The following DPP10 variants were observed in gnomAD, a reference collection of about 807,000 sequenced individuals.
The protein encoded by DPP10 is dipeptidyl peptidase like 10, also known as inactive dipeptidyl peptidase 10.
In DPP10, 33 loss-of-function variants were observed where a neutral mutation model predicts 120.9. The observed-to-expected ratio is 0.27, with a 90% CI of 0.21 to 0.37. The LOEUF is 0.37. Among genes scored for constraint, DPP10 ranks in the 10% least tolerant of loss-of-function variants. The pLI is 1.00. For missense variants in DPP10, 816 were observed against 942.8 expected, an observed-to-expected ratio of 0.87 and a Z score of 1.76; for synonymous variants, 337 against 326.1, an observed-to-expected ratio of 1.03 and a Z score of -0.36.
chr2:115,112,773 T>C (rs1011708116), intron 1 of DPP10, among the ~76,000 whole-genome samples: 9 of 152,134 alleles, frequency 5.9e-5, no homozygotes, highest in Admixed American at 5.9e-4. Context: ...GTTCAAGAGA[T>C]CTACTGTACA....
chr2:115,443,196 C>T (rs2072240003), intron 3 of DPP10, among the ~76,000 whole-genome samples: 1 of 152,106 alleles, frequency 6.6e-6, no homozygotes. Flanking sequence ...AGCATGAATT[C>T]TTAAAAGCTT....
At chr2:115,525,295 C>T (rs907419127) in intron 4 of DPP10, among the ~76,000 whole-genome samples, 21 of 152,010 alleles carry the variant, frequency 1.4e-4, no homozygotes, top group African/African-American at 4.6e-4. Flanking sequence ...AGTTTAAATT[C>T]CTTCTGTCCT....
At chr2:114,464,525 A>AATATTTTCTCCTAGTCTGTGGCTT (rs1679190436) in intron 1 of DPP10, among the ~76,000 whole-genome samples, 1 of 152,212 alleles carries the variant, frequency 6.6e-6, no homozygotes, top group Non-Finnish European at 1.5e-5. Flanking sequence ...GGTTGTTGAA[A>AATATTTTCTCCTAGTCTGTGGCTT]ATATTTTCTC....
At chr2:115,702,252 G>A (rs1472326052) in intron 7 of DPP10, among the ~76,000 whole-genome samples, 3 of 151,922 alleles carry the variant, frequency 2.0e-5, no homozygotes. Flanking sequence ...GTGCTGGTGG[G>A]CATTTAAAAT....
chr2:115,669,124 CTGTTAT>C (rs1444524317), intron 5 of DPP10, among the ~76,000 whole-genome samples: 1 of 152,006 alleles, frequency 6.6e-6, no homozygotes, highest in Non-Finnish European at 1.5e-5. Context: ...GTTATTGTTA[CTGTTAT>C]TGAGTAGGAC....
At chr2:114,470,313 A>AT (rs1207975642) in intron 1 of DPP10, among the ~76,000 whole-genome samples, 8 of 152,150 alleles carry the variant, frequency 5.3e-5, no homozygotes, top group African/African-American at 1.9e-4. Context: ...CACTATGACA[A>AT]TTTTCAGTGA....
At chr2:114,546,883 C>A (rs189776855) in intron 1 of DPP10, among the ~76,000 whole-genome samples, 13 of 152,280 alleles carry the variant, frequency 8.5e-5, no homozygotes, top group African/African-American at 3.1e-4. Flanking sequence ...GGGCCATAGG[C>A]CTGGGAAATT....
chr2:114,475,730 C>T (rs1236636116), intron 1 of DPP10, among the ~76,000 whole-genome samples: 1 of 152,112 alleles, frequency 6.6e-6, no homozygotes, highest in Admixed American at 6.5e-5. Context: ...TCTGAAAATG[C>T]AAGGTATCAC....
intron 1 of DPP10, among the ~76,000 whole-genome samples, chr2:114,871,920 T>A (rs1690719340): frequency 6.6e-6 from 1 of 152,184 alleles, no homozygotes. Context: ...TGGACCCTAT[T>A]ATGAACTGTG....
rs868858234 is a variant in DPP10, at chr2:114,714,113, G to A, written c.60+271275G>A. On this transcript the variant is annotated intron_variant, in intron 1 of 25. Coordinates refer to ENST00000410059, the MANE Select transcript of DPP10 (RefSeq NM_020868.6). ...TGTGTGTGTGTGTGTGTGTTTGCGC[G>A]TGCGTGCGCTCATGAGTGTGTCTGT... 4.0e-5 allele frequency among the ~76,000 whole-genome samples: 6 copies of A among 151,670 alleles called. No homozygotes were observed. The South Asian group carries it at 6.2e-4, about 16-fold the overall frequency.
At chr2:114,680,552 C>T (rs969483117) in intron 1 of DPP10, among the ~76,000 whole-genome samples, 2 of 151,928 alleles carry the variant, frequency 1.3e-5, no homozygotes, top group African/African-American at 4.8e-5. Context: ...TCTCTTCACT[C>T]TGTACAATGT....
intron 7 of DPP10, among the ~76,000 whole-genome samples, chr2:115,692,097 C>T (rs1369216616): frequency 6.6e-6 from 1 of 151,736 alleles, no homozygotes; most frequent in Non-Finnish European, 1.5e-5. Flanking sequence ...CGTTAAAATC[C>T]TTCTGCACTA....
At chr2:115,242,672 A>ATTTTTT (rs539909325) in intron 1 of DPP10, among the ~76,000 whole-genome samples, 1 of 124,200 alleles carries the variant, frequency 8.1e-6, no homozygotes, top group Non-Finnish European at 1.8e-5. Flanking sequence ...GCCAACATCT[A>ATTTTTT]TTTTTTTTTT....
At chr2:114,465,811 A>G (rs548844153) in intron 1 of DPP10, among the ~76,000 whole-genome samples, 86 of 152,322 alleles carry the variant, frequency 5.6e-4, no homozygotes, top group African/African-American at 1.8e-3. Context: ...TAGCGTCTCC[A>G]TCACTTCAAA....
At chr2:115,574,336 A>T (rs574091647) in intron 5 of DPP10, among the ~76,000 whole-genome samples, 1 of 152,172 alleles carries the variant, frequency 6.6e-6, no homozygotes, top group African/African-American at 2.4e-5. Context: ...TTAATGAGAC[A>T]TAAGAGGACT....
intron 19 of DPP10, among the ~76,000 whole-genome samples, chr2:115,802,917 G>T (rs893883191): frequency 6.6e-6 from 1 of 152,148 alleles, no homozygotes; most frequent in African/African-American, 2.4e-5. Context: ...GTTGATTTGG[G>T]GTGGAGAGTT....
At chr2:114,760,317 G>A (rs920679389) in intron 1 of DPP10, among the ~76,000 whole-genome samples, 5 of 152,076 alleles carry the variant, frequency 3.3e-5, no homozygotes, top group South Asian at 4.2e-4. Flanking sequence ...TCCCTTTGGC[G>A]TGCATCCCCC....
intron 1 of DPP10, among the ~76,000 whole-genome samples, chr2:114,744,091 G>T (rs1678330922): frequency 6.6e-6 from 1 of 152,060 alleles, no homozygotes; most frequent in Non-Finnish European, 1.5e-5. Context: ...TACATGGAGG[G>T]ATTGGCACAA....
At chr2:115,582,016 G>A (rs2082027595) in intron 5 of DPP10, among the ~76,000 whole-genome samples, 1 of 152,152 alleles carries the variant, frequency 6.6e-6, no homozygotes, top group African/African-American at 2.4e-5. Context: ...GAGCAGGAGT[G>A]TAAGTTTATT....
Sources: gnomAD v4.1 joint callset for allele counts (sites outside exome capture counted in the v4.1 genomes callset) on GRCh38, gnomAD v4.1.1 for gene constraint, MANE v1.5 for transcripts, NCBI Gene and HGNC (gene_info 2026-07-23, HGNC 2026-07-21) for gene names.